Variants in ZFAT observed in about 807,000 individuals in gnomAD.
ZFAT encodes zinc finger and AT-hook domain containing, also known as zinc finger protein ZFAT.
In ZFAT, 64 loss-of-function variants were observed where a neutral mutation model predicts 117.7. That is an observed-to-expected ratio of 0.54 (90% confidence interval 0.44 to 0.67). The LOEUF is 0.67. ZFAT is among the 30% of genes least tolerant of loss of function. The pLI is 0.00. For synonymous variants in ZFAT, 679 were observed against 615.0 expected (o/e 1.10, Z -1.54); for missense variants, 1,433 against 1,584.5 (o/e 0.90, Z 1.62).
chr8:134,820,551 T>C, the ZFAT span, among the ~76,000 whole-genome samples: 1 of 152,226 alleles, frequency 6.6e-6, no homozygotes, highest in African/African-American at 2.4e-5. Context: ...TATCACAGAT[T>C]GGCTTCAGCT....
Position 134,602,109 on chromosome 8 carries a change from G to C in ZFAT, c.1610C>G (p.Pro537Arg). ...GVNALKEEACPGDTQLEEGRK... is the reference protein window; with the variant it reads ...GVNALKEEACRGDTQLEEGRK... Reference sequence around the variant, plus strand: ...GCCCTCCTCCAGCTGAGTGTCCCCAGGACAGGCCTCTTCCTTGAGTGCATT... The same window carrying C: ...GCCCTCCTCCAGCTGAGTGTCCCCACGACAGGCCTCTTCCTTGAGTGCATT... The change falls in exon 6 of 16, where the codon CCT (proline) becomes CGT (arginine). Residue 537 changes from proline to arginine, a missense_variant. Transcript: ENST00000377838. 1 of 1,612,410 alleles carries C rather than the reference G, an allele frequency of 6.2e-7. No individual in the cohort carries two copies. Among genetic ancestry groups the C allele is most frequent in the Non-Finnish European group, 8.5e-7 (1 of 1,179,540 alleles).
chr8:134,521,034 G>T (rs372937709), intron 12 of ZFAT, 33 bp from the exon 13 acceptor site: 1 of 1,512,476 alleles, frequency 6.6e-7, no homozygotes, highest in South Asian at 1.2e-5. Flanking sequence ...AAAAAAAAAT[G>T]TGTTCGTAAT....
the ZFAT span, among the ~76,000 whole-genome samples, chr8:134,773,984 ATTT>A: frequency 4.5e-3 from 469 of 103,276 alleles, 33 homozygotes; most frequent in South Asian, 0.03. Context: ...TTGAGGATTA[ATTT>A]TTTTTTTTTT....
At chr8:134,723,762 T>C in the ZFAT span, 3 of 152,120 alleles carry the variant, frequency 2.0e-5, no homozygotes, top group African/African-American at 7.2e-5. Flanking sequence ...CGAACACACA[T>C]TTCAACCTGT....
At chr8:134,821,429 G>A in the ZFAT span, among the ~76,000 whole-genome samples, 3 of 152,008 alleles carry the variant, frequency 2.0e-5, no homozygotes, top group Admixed American at 6.6e-5. Flanking sequence ...AGACCACATC[G>A]GAAGTAGTCA....
At chr8:134,761,693 C>T in the ZFAT span, among the ~76,000 whole-genome samples, 7 of 150,654 alleles carry the variant, frequency 4.6e-5, no homozygotes, top group East Asian at 5.8e-4. Flanking sequence ...AGCGAGACTC[C>T]GTTTCAAAAA....
At chr8:134,676,802 C>T (rs952456790) in intron 1 of ZFAT, among the ~76,000 whole-genome samples, 2 of 152,216 alleles carry the variant, frequency 1.3e-5, no homozygotes, top group African/African-American at 4.8e-5. Context: ...TCACTCAAAA[C>T]CGCTCAATTA....
At chr8:134,519,489 T>C (rs1361838170) in intron 13 of ZFAT, among the ~76,000 whole-genome samples, 2 of 152,244 alleles carry the variant, frequency 1.3e-5, no homozygotes, top group Admixed American at 6.5e-5. Flanking sequence ...CATATGTGTA[T>C]ACACATTCAT....
At chr8:134,615,122 C>T (rs1356373320) in intron 3 of ZFAT, among the ~76,000 whole-genome samples, 20 of 152,164 alleles carry the variant, frequency 1.3e-4, no homozygotes, top group Non-Finnish European at 2.9e-4. Flanking sequence ...TCCCCTCAGC[C>T]AGGGACAGTG....
At chr8:134,635,703 G>C (rs952809906) in intron 3 of ZFAT, among the ~76,000 whole-genome samples, 1 of 151,998 alleles carries the variant, frequency 6.6e-6, no homozygotes, top group Non-Finnish European at 1.5e-5. Context: ...ACAAGAGGGT[G>C]GGGGAAAGAC....
chr8:134,800,998 A>T, the ZFAT span, among the ~76,000 whole-genome samples: 2 of 152,208 alleles, frequency 1.3e-5, no homozygotes, highest in African/African-American at 2.4e-5. Context: ...GTAGCTGATT[A>T]TCCAGCCTTC....
the ZFAT span, among the ~76,000 whole-genome samples, chr8:134,752,347 T>A: frequency 6.6e-6 from 1 of 152,230 alleles, no homozygotes; most frequent in South Asian, 2.1e-4. Context: ...AGTCCTCTCT[T>A]CTGTCCAGTG....
chr8:134,527,777 T>C (rs1231909473), intron 12 of ZFAT, among the ~76,000 whole-genome samples: 1 of 152,122 alleles, frequency 6.6e-6, no homozygotes, highest in Non-Finnish European at 1.5e-5. Flanking sequence ...GTGCATTTTA[T>C]TATCAGCCAA....
At chr8:134,569,724 T>C (rs1295415012) in intron 10 of ZFAT, among the ~76,000 whole-genome samples, 2 of 152,092 alleles carry the variant, frequency 1.3e-5, no homozygotes, top group Non-Finnish European at 2.9e-5. Context: ...TGCGGGTGCA[T>C]ACAGGTGACC....
chr8:134,755,736 C>T, the ZFAT span, among the ~76,000 whole-genome samples: 209 of 141,282 alleles, frequency 1.5e-3, no homozygotes, highest in African/African-American at 5.2e-3. Flanking sequence ...CACTTGAACC[C>T]GGGAGGCAGA....
the ZFAT span, among the ~76,000 whole-genome samples, chr8:134,775,217 T>C: frequency 6.6e-6 from 1 of 152,204 alleles, no homozygotes; most frequent in Non-Finnish European, 1.5e-5. Context: ...TCCCCGTGGA[T>C]CTATTTTTGT....
chr8:134,641,125 C>T (rs1830555460), intron 2 of ZFAT, among the ~76,000 whole-genome samples: 1 of 152,150 alleles, frequency 6.6e-6, no homozygotes, highest in Admixed American at 6.6e-5. Flanking sequence ...ATCTGTCATT[C>T]CCTCACTCTA....
the ZFAT span, among the ~76,000 whole-genome samples, chr8:134,815,607 C>T: frequency 6.6e-6 from 1 of 152,202 alleles, no homozygotes; most frequent in Non-Finnish European, 1.5e-5. Context: ...AGCTGGTCCT[C>T]TCTGACTTCT....
chr8:134,723,351 G>A, the ZFAT span: 1 of 152,368 alleles, frequency 6.6e-6, no homozygotes, highest in African/African-American at 2.4e-5. Flanking sequence ...TGGGCAATTG[G>A]AGGAGCATTT....
Sources: allele counts gnomAD v4.1 joint callset (sites outside exome capture counted in the v4.1 genomes callset), GRCh38; gene constraint gnomAD v4.1.1; transcripts MANE v1.5; gene names NCBI Gene and HGNC (gene_info 2026-07-23, HGNC 2026-07-21).